PRKCB: variants seen among roughly 807,000 people sequenced by gnomAD.
The protein encoded by PRKCB is protein kinase C beta, also known as protein kinase C beta type.
A neutral mutation model predicts 81.5 loss-of-function variants in PRKCB; 13 were observed. That is an observed-to-expected ratio of 0.16 (90% confidence interval 0.10 to 0.25). PRKCB has a LOEUF of 0.25. Ranked by LOEUF, PRKCB falls within the 10% of genes least tolerant of loss-of-function variation. PRKCB has a pLI of 1.00. For synonymous variants in PRKCB, 335 were observed against 321.4 expected (o/e 1.04, Z -0.45); for missense variants, 509 against 875.7 (o/e 0.58, Z 5.29).
At chr16:24,179,328 C>A (rs527882239) in intron 12 of PRKCB, among the ~76,000 whole-genome samples, 47 of 152,136 alleles carry the variant, frequency 3.1e-4, no homozygotes, top group Non-Finnish European at 4.6e-4. Flanking sequence ...GGTGGTTCTT[C>A]TAAGAAATAT....
chr16:24,015,156 C>T (rs929346599), intron 3 of PRKCB, among the ~76,000 whole-genome samples: 4 of 152,114 alleles, frequency 2.6e-5, no homozygotes, highest in African/African-American at 9.7e-5. Context: ...GGTAACCTGT[C>T]CAAAGTCACA....
chr16:24,205,975 G>A (rs1168806665), intron 16 of PRKCB, among the ~76,000 whole-genome samples: 1 of 152,164 alleles, frequency 6.6e-6, no homozygotes, highest in African/African-American at 2.4e-5. Context: ...CATTTAAACT[G>A]AGATCTGGAG....
rs71381638 is a variant in PRKCB at position 24,089,789 on chromosome 16, T to TCTCTCTCTCACACACACA, written c.530-3001_530-3000insTCTCTCTCACACACACAC. Among the ~76,000 whole-genome samples the TCTCTCTCTCACACACACA allele has an allele frequency of 4.9e-3, 731 of 149,952 alleles. 5 individuals are homozygous for TCTCTCTCTCACACACACA. Among genetic ancestry groups the TCTCTCTCTCACACACACA allele is most frequent in the African/African-American group, 0.017 (693 of 40,722 alleles). On this transcript the variant is annotated intron_variant, in intron 5 of 16. Coordinates refer to ENST00000643927, the MANE Select transcript of PRKCB (RefSeq NM_002738.7). ...GACCTTGTCTCTCTCTCTCTCTCTC[T>TCTCTCTCTCACACACACA]CACACACACACACACAACAAAAACG...
At chr16:24,018,042 G>A (rs1003833161) in intron 3 of PRKCB, among the ~76,000 whole-genome samples, 1 of 151,776 alleles carries the variant, frequency 6.6e-6, no homozygotes, top group Non-Finnish European at 1.5e-5. Flanking sequence ...GGGACTACAG[G>A]TGCCCGCCAC....
At chr16:24,063,998 G>A (rs1966003956) in intron 5 of PRKCB, among the ~76,000 whole-genome samples, 1 of 152,152 alleles carries the variant, frequency 6.6e-6, no homozygotes, top group Non-Finnish European at 1.5e-5. Flanking sequence ...TTGCAGAGCA[G>A]CGTGTATAGT....
chr16:24,173,809 C>T (rs1967484956), intron 11 of PRKCB, among the ~76,000 whole-genome samples: 1 of 152,066 alleles, frequency 6.6e-6, no homozygotes, highest in Admixed American at 6.6e-5. Flanking sequence ...TATAACTTGC[C>T]CAAGTTAATC....
chr16:24,096,358 G>T (rs1453456139), intron 7 of PRKCB, among the ~76,000 whole-genome samples: 1 of 152,106 alleles, frequency 6.6e-6, no homozygotes, highest in African/African-American at 2.4e-5. Context: ...GAGGTTAAAG[G>T]CAAGCTGGGG....
intron 2 of PRKCB, among the ~76,000 whole-genome samples, chr16:23,873,183 CACACACAAA>C (rs1476943777): frequency 1.1e-5 from 1 of 90,938 alleles, no homozygotes; most frequent in African/African-American, 4.3e-5. Flanking sequence ...CACACACACA[CACACACAAA>C]AAAAAAAAAA....
At chr16:23,889,362 C>T (rs140457275) in intron 2 of PRKCB, among the ~76,000 whole-genome samples, 27 of 152,328 alleles carry the variant, frequency 1.8e-4, no homozygotes, top group Middle Eastern at 6.8e-3. Flanking sequence ...GCCTACCTTA[C>T]GGCATTATAA....
At position 23,867,060 on chromosome 16, in the gene PRKCB, CTCTCTTTCTTTCTT is replaced by C. The variant is rs1235799245; in HGVS notation, c.205+29686_205+29699del. ...TCCTTCCTTCCTTCCTTCTCTCTCT[CTCTCTTTCTTTCTT>C]TCTCTTTCTTTCTTTCTCTTTCTTT... On this transcript the variant is annotated intron_variant, in intron 2 of 16. Coordinates refer to ENST00000643927, the MANE Select transcript of PRKCB (RefSeq NM_002738.7). Among the ~76,000 whole-genome samples the C allele has an allele frequency of 4.3e-3, 504 of 116,244 alleles. 4 individuals are homozygous for C. Among genetic ancestry groups the C allele is most frequent in the African/African-American group, 6.8e-3 (211 of 31,068 alleles). 76.3% of individuals were successfully genotyped at this position (116,244 alleles called of 152,430 possible).
At chr16:23,946,560 A>G (rs769187705) in intron 2 of PRKCB, among the ~76,000 whole-genome samples, 12 of 151,990 alleles carry the variant, frequency 7.9e-5, no homozygotes, top group Admixed American at 3.3e-4. Flanking sequence ...TTAATGAGTT[A>G]AGTCCATAAA....
At chr16:24,060,719 T>C (rs116342050) in intron 5 of PRKCB, among the ~76,000 whole-genome samples, 1 of 152,184 alleles carries the variant, frequency 6.6e-6, no homozygotes, top group African/African-American at 2.4e-5. Flanking sequence ...ATAAATGCTC[T>C]TCCCCAGCCT....
chr16:23,844,571 A>C (rs1043423963), intron 2 of PRKCB, among the ~76,000 whole-genome samples: 7 of 151,998 alleles, frequency 4.6e-5, no homozygotes, highest in Non-Finnish European at 7.4e-5. Flanking sequence ...CAGTGGTGCA[A>C]TCTTTGGCTA....
chr16:24,101,447 G>A (rs117056307), intron 7 of PRKCB, among the ~76,000 whole-genome samples: 6,704 of 152,318 alleles, frequency 0.044, 162 homozygotes, highest in Non-Finnish European at 0.059. Context: ...CCTGAGGTGG[G>A]AGGATCACTT....
At chr16:24,041,837 A>C (rs956314673) in intron 5 of PRKCB, among the ~76,000 whole-genome samples, 8 of 152,016 alleles carry the variant, frequency 5.3e-5, no homozygotes, top group Non-Finnish European at 1.0e-4. Flanking sequence ...TACAAAAATT[A>C]GCCAGGTGTG....
At chr16:24,010,157 C>T (rs1965182353) in intron 3 of PRKCB, among the ~76,000 whole-genome samples, 2 of 152,162 alleles carry the variant, frequency 1.3e-5, no homozygotes, top group African/African-American at 2.4e-5. Flanking sequence ...AGGGGCCAGG[C>T]AGGTGGGTGA....
chr16:23,901,168 T>C (rs1407633391), intron 2 of PRKCB, among the ~76,000 whole-genome samples: 1 of 152,204 alleles, frequency 6.6e-6, no homozygotes, highest in African/African-American at 2.4e-5. Context: ...TCTGTCATCC[T>C]GGGGCTCTGA....
chr16:23,993,174 A>G (rs538874939), intron 3 of PRKCB, among the ~76,000 whole-genome samples: 1 of 152,180 alleles, frequency 6.6e-6, no homozygotes, highest in East Asian at 1.9e-4. Flanking sequence ...GAACTATTTG[A>G]GTTTTCTAAT....
Position 24,077,397 on chromosome 16 carries a change from C to CTCCATCCATCCA in PRKCB, c.530-15369_530-15358dup, listed in dbSNP as rs5816242. Among the ~76,000 whole-genome samples the CTCCATCCATCCA allele has an allele frequency of 7.5e-4, 113 of 150,534 alleles. 1 individual carries two copies. The highest frequency in any genetic ancestry group is 2.4e-3 in the African/African-American group (98 of 40,246). ...CATCCATCCACCCATGCATTCATCT[C>CTCCATCCATCCA]TCCATCCATCCATCCATCCATCCAT... On this transcript the variant is annotated intron_variant, in intron 5 of 16. Coordinates refer to ENST00000643927, the MANE Select transcript of PRKCB (RefSeq NM_002738.7).
Sources: gnomAD v4.1 joint callset for allele counts (sites outside exome capture counted in the v4.1 genomes callset) on GRCh38, gnomAD v4.1.1 for gene constraint, MANE v1.5 for transcripts, NCBI Gene and HGNC (gene_info 2026-07-23, HGNC 2026-07-21) for gene names.